LOC400499: variants seen among roughly 807,000 people sequenced by gnomAD.
the LOC400499 span, among the ~76,000 whole-genome samples, chr16:11,510,414 G>A: frequency 5.3e-5 from 8 of 151,538 alleles, no homozygotes; most frequent in Admixed American, 1.3e-4. Flanking sequence ...TCCTGTTTCC[G>A]CCCTGAATGC....
the LOC400499 span, chr16:11,398,216 T>A: frequency 2.7e-6 from 2 of 728,372 alleles, no homozygotes; most frequent in Admixed American, 4.3e-5. Context: ...AGCAGGCAAA[T>A]GGCAGAGCCA....
the LOC400499 span, among the ~76,000 whole-genome samples, chr16:11,474,648 C>T: frequency 7.9e-5 from 12 of 151,878 alleles, no homozygotes; most frequent in Non-Finnish European, 1.6e-4. Flanking sequence ...TCACTTGAGC[C>T]CAGGAGTTCG....
chr16:11,457,234 T>C, the LOC400499 span: 12 of 571,040 alleles, frequency 2.1e-5, no homozygotes, highest in East Asian at 9.3e-5. Context: ...TGAATTCTCA[T>C]ACGCTGATGG....
the LOC400499 span, among the ~76,000 whole-genome samples, chr16:11,378,278 G>C: frequency 2.0e-5 from 3 of 149,070 alleles, no homozygotes; most frequent in African/African-American, 5.0e-5. Context: ...CCGGGGGGAG[G>C]GGGGAGGTGG....
the LOC400499 span, chr16:11,478,718 A>C: frequency 5.0e-6 from 2 of 398,924 alleles, no homozygotes; most frequent in Non-Finnish European, 8.8e-6. Flanking sequence ...CACAAAGAAC[A>C]CAGTCAGGGT....
At chr16:11,377,335 TTTTC>T in the LOC400499 span, among the ~76,000 whole-genome samples, 2 of 152,242 alleles carry the variant, frequency 1.3e-5, no homozygotes, top group African/African-American at 2.4e-5. Context: ...TTTGGATGCC[TTTTC>T]TTTCTTAATA....
At chr16:11,484,306 C>T in the LOC400499 span, among the ~76,000 whole-genome samples, 13 of 152,070 alleles carry the variant, frequency 8.5e-5, no homozygotes, top group East Asian at 1.9e-3. Flanking sequence ...TACGCCCGGC[C>T]GCAGGAAGAG....
chr16:11,470,884 G>A, the LOC400499 span, among the ~76,000 whole-genome samples: 5 of 152,316 alleles, frequency 3.3e-5, no homozygotes, highest in African/African-American at 4.8e-5. Context: ...TGGATGTCCC[G>A]GGGAAGAGTG....
the LOC400499 span, among the ~76,000 whole-genome samples, chr16:11,481,270 G>A: frequency 3.3e-5 from 5 of 152,222 alleles, no homozygotes; most frequent in African/African-American, 9.6e-5. Context: ...GTTCTGGAAC[G>A]AGACAGAAGT....
At chr16:11,398,469 G>A in the LOC400499 span, 2 of 1,232,304 alleles carry the variant, frequency 1.6e-6, no homozygotes, top group Non-Finnish European at 2.0e-6. Flanking sequence ...CTCCAGCGTG[G>A]CCTCCATGAT....
the LOC400499 span, among the ~76,000 whole-genome samples, chr16:11,490,393 C>A: frequency 8.5e-6 from 1 of 117,786 alleles, no homozygotes; most frequent in African/African-American, 3.6e-5. Flanking sequence ...GAGACTCTGT[C>A]TCGAAAAAAA....
the LOC400499 span, among the ~76,000 whole-genome samples, chr16:11,489,390 C>G: frequency 6.6e-6 from 1 of 152,160 alleles, no homozygotes; most frequent in Non-Finnish European, 1.5e-5. Context: ...AAAAGCAGAG[C>G]CTGGACCTAA....
the LOC400499 span, chr16:11,460,538 G>A: frequency 1.3e-6 from 2 of 1,535,546 alleles, no homozygotes; most frequent in South Asian, 1.2e-5. Flanking sequence ...CAGCCTGTAG[G>A]CACCGTCTGA....
chr16:11,435,809 C>T, the LOC400499 span: 11 of 399,326 alleles, frequency 2.8e-5, no homozygotes, highest in East Asian at 1.4e-4. Context: ...AACCAGCTCC[C>T]GGCCAGACAT....
the LOC400499 span, among the ~76,000 whole-genome samples, chr16:11,388,185 A>C: frequency 6.6e-6 from 1 of 152,100 alleles, no homozygotes; most frequent in Non-Finnish European, 1.5e-5. Flanking sequence ...CCTCTCTGCC[A>C]CCTGAATCCA....
the LOC400499 span, among the ~76,000 whole-genome samples, chr16:11,451,658 T>C: frequency 1.3e-5 from 2 of 152,064 alleles, no homozygotes; most frequent in African/African-American, 2.4e-5. Flanking sequence ...TGATAAAAAT[T>C]GGTTAGGTCA....
At chr16:11,378,071 ATAACT>A in the LOC400499 span, among the ~76,000 whole-genome samples, 2 of 151,828 alleles carry the variant, frequency 1.3e-5, no homozygotes, top group South Asian at 2.1e-4. Context: ...TCTTTTTCTA[ATAACT>A]TAAGGTAGAA....
chr16:11,522,454 G>T, the LOC400499 span, among the ~76,000 whole-genome samples: 1 of 152,060 alleles, frequency 6.6e-6, no homozygotes, highest in Admixed American at 6.6e-5. Context: ...AAATTTACCA[G>T]CATCCCTGAC....
At chr16:11,525,953 T>C in the LOC400499 span, among the ~76,000 whole-genome samples, 13 of 152,212 alleles carry the variant, frequency 8.5e-5, no homozygotes, top group Non-Finnish European at 1.9e-4. Flanking sequence ...AGATCTGAAA[T>C]GGACTGAAAT....
Sources: allele counts gnomAD v4.1 joint callset (sites outside exome capture counted in the v4.1 genomes callset), GRCh38; gene constraint gnomAD v4.1.1; transcripts MANE v1.5.